The following UNC93A variants were observed in gnomAD, a reference collection of about 807,000 sequenced individuals.
UNC93A encodes the protein N-acetylglucosamine transporter UNC93A.
A neutral mutation model predicts 47.5 loss-of-function variants in UNC93A; 43 were observed. The ratio of observed to expected loss-of-function variants is 0.91; its 90% CI spans 0.71 to 1.17. UNC93A has a LOEUF of 1.17. UNC93A is among the 50% of genes most tolerant of loss of function. UNC93A has a pLI of 0.00. For missense variants in UNC93A, 605 were observed against 577.6 expected (o/e 1.05, Z -0.49); for synonymous variants, 280 against 258.0 (o/e 1.09, Z -0.82).
At chr6:167,288,934 G>A (rs1270611167), upstream of UNC93A, among the ~76,000 whole-genome samples, 1 of 152,290 alleles carries the variant, frequency 6.6e-6, no homozygotes, top group East Asian at 1.9e-4. Context: ...TGAGTGACCT[G>A]CAGATTCGAG....
At position 167,297,962 on chromosome 6, in the gene UNC93A, C is replaced by T; in HGVS notation, c.517C>T (p.Gln173Ter). Residue 173 changes from glutamine to a stop codon, truncating the protein, a stop_gained, in exon 4 of 8, where the codon CAG becomes TAG. Transcript: ENST00000230256. LOFTEE classifies it high-confidence loss of function. Reference protein sequence around the residue: ...TPSQETLPEEQLTSCGASDCL... With the variant: ...TPSQETLPEE ...CTTCATAGAGACCCTTCCAGAAGAG[C>T]AGCTCACGTCCTGTGGGGCCAGTGA... 1 of 1,614,038 alleles carries T rather than the reference C, an allele frequency of 6.2e-7. No individual in the cohort carries two copies. The highest frequency in any genetic ancestry group is 8.5e-7 in the Non-Finnish European group (1 of 1,179,984).
At chr6:167,269,380 T>C (rs1205221364), upstream of UNC93A, among the ~76,000 whole-genome samples, 3 of 152,230 alleles carry the variant, frequency 2.0e-5, no homozygotes, top group Admixed American at 2.0e-4. Context: ...AGCTACGAAC[T>C]GCAAATTGAG....
intron 1 of UNC93A, among the ~76,000 whole-genome samples, chr6:167,277,276 G>A (rs1783558995): frequency 6.6e-6 from 1 of 152,214 alleles, no homozygotes; most frequent in Admixed American, 6.5e-5. Context: ...ACAAAGCTGG[G>A]CTTTGTGCTG....
intron 1 of UNC93A, among the ~76,000 whole-genome samples, chr6:167,285,936 C>CTT (rs1486618831): frequency 1.6e-5 from 2 of 122,980 alleles, no homozygotes; most frequent in Non-Finnish European, 3.4e-5. Flanking sequence ...AGTTAGTTTT[C>CTT]TTTCTCTCTC....
At chr6:167,304,188 G>C in intron 5 of UNC93A, 55 bp downstream of exon 5, 1 of 1,593,752 alleles carries the variant, frequency 6.3e-7, no homozygotes, top group Non-Finnish European at 8.6e-7. Context: ...TCACTGCCTT[G>C]CCTGTGTCTG....
chr6:167,300,956 T>C (rs1235710812), intron 4 of UNC93A, among the ~76,000 whole-genome samples: 1 of 152,268 alleles, frequency 6.6e-6, no homozygotes, highest in East Asian at 1.9e-4. Flanking sequence ...AGTATCTTTC[T>C]GAGGATCATA....
chr6:167,275,581 C>T (rs1034690173), intron 1 of UNC93A, among the ~76,000 whole-genome samples: 3 of 152,200 alleles, frequency 2.0e-5, no homozygotes, highest in Admixed American at 6.5e-5. Flanking sequence ...AGACACAGTG[C>T]GTGTGTTCAT....
chr6:167,295,645 C>CCTCGCCTCCCTCGTGA, intron 2 of UNC93A, among the ~76,000 whole-genome samples: 1 of 49,842 alleles, frequency 2.0e-5, no homozygotes, highest in Non-Finnish European at 4.1e-5. Context: ...CTGCCTCGTG[C>CCTCGCCTCCCTCGTGA]TCCTCGCCTC....
At chr6:167,285,761 A>T (rs746580605) in intron 1 of UNC93A, among the ~76,000 whole-genome samples, 1 of 151,602 alleles carries the variant, frequency 6.6e-6, no homozygotes, top group African/African-American at 2.4e-5. Context: ...TACCTTACAG[A>T]GTTCTTTCTA....
chr6:167,299,995 G>C (rs573494388), intron 4 of UNC93A, among the ~76,000 whole-genome samples: 1 of 152,174 alleles, frequency 6.6e-6, no homozygotes, highest in African/African-American at 2.4e-5. Context: ...GAGCAGGTAC[G>C]GGGAGGCAGA....
chr6:167,307,867 C>A lies in UNC93A; in HGVS notation c.1065C>A (p.Gly355=). Residue 355 remains glycine, a synonymous_variant, in exon 7 of 8, where the codon GGC becomes GGA. Transcript: ENST00000230256. The part of the protein sequence containing the change: ...DHLAVFFVFS[G]LWGVADAVWQ... ...TGGCAGTGTTCTTCGTATTCTCTGG[C>A]CTGTGGGGCGTGGCAGATGCCGTCT... 6.2e-7 allele frequency: 1 copy of A among 1,614,050 alleles called. No homozygotes were observed.
rs574526999 is a variant in UNC93A at position 167,303,414 on chromosome 6, G to A, written c.626-505G>A. The stretch of plus-strand genomic sequence containing the variant: ...TTCTTCAAATGCACAACATTCTGTT[G>A]TAGTTCAGATACCCCTTAATATCTT... On this transcript the variant is annotated intron_variant, in intron 4 of 7. Coordinates refer to ENST00000230256, the MANE Select transcript of UNC93A (RefSeq NM_018974.4). Among the ~76,000 whole-genome samples, 4 of 152,132 alleles carry A rather than the reference G, an allele frequency of 2.6e-5. No homozygotes were observed. The South Asian group carries it at 8.3e-4, about 32-fold the overall frequency.
upstream of UNC93A, among the ~76,000 whole-genome samples, chr6:167,269,855 T>C (rs1432678571): frequency 6.6e-6 from 1 of 152,074 alleles, no homozygotes; most frequent in Non-Finnish European, 1.5e-5. Flanking sequence ...GACCTCGTGA[T>C]CCACCTGCCT....
chr6:167,309,537 C>A lies in UNC93A; in HGVS notation c.1108+1627C>A, dbSNP rs564946485. On this transcript the variant is annotated intron_variant, in intron 7 of 7. Transcript: ENST00000230256. The stretch of plus-strand genomic sequence containing the variant: ...GGCTCACATGAGACCCTCTTCCCTT[C>A]AGGAGAGACTTCACCATTCTGCCTT... Among the ~76,000 whole-genome samples the A allele has an allele frequency of 2.6e-5, 4 of 152,282 alleles. No individual in the cohort carries two copies. The South Asian group carries it at 8.3e-4, about 32-fold the overall frequency.
In UNC93A at chr6:167,294,631, A is replaced by T; in HGVS notation, c.202A>T (p.Lys68Ter). ...GCTCCTCATCGAGAGGCTGGGCTGC[A>T]AGGGGACCATCATCCTCTCCATGTG... ...PPLLIERLGC[K>*]GTIILSMCGY... The change falls in exon 2 of 8, where the codon AAG (lysine) becomes TAG (stop). Residue 68 changes from lysine to a stop codon, truncating the protein, a stop_gained. Coordinates refer to ENST00000230256, the MANE Select transcript of UNC93A (RefSeq NM_018974.4). LOFTEE classifies it high-confidence loss of function. 3 of 1,613,418 alleles carry T rather than the reference A, an allele frequency of 1.9e-6. No homozygotes were observed. Among genetic ancestry groups the T allele is most frequent in the Non-Finnish European group, 2.5e-6 (3 of 1,179,614 alleles).
At chr6:167,277,223 G>C (rs184392663) in intron 1 of UNC93A, among the ~76,000 whole-genome samples, 1 of 152,208 alleles carries the variant, frequency 6.6e-6, no homozygotes, top group South Asian at 2.1e-4. Context: ...TGAGAACTGC[G>C]CCTGTGCCCC....
chr6:167,295,372 G>C (rs1238149797), intron 2 of UNC93A, among the ~76,000 whole-genome samples: 2 of 152,140 alleles, frequency 1.3e-5, no homozygotes, highest in East Asian at 3.9e-4. Flanking sequence ...AACCGGGGCT[G>C]TCCCTCGGCC....
intron 1 of UNC93A, among the ~76,000 whole-genome samples, chr6:167,278,629 T>G (rs1437323728): frequency 2.6e-5 from 4 of 152,198 alleles, no homozygotes; most frequent in Non-Finnish European, 4.4e-5. Flanking sequence ...AGCGACAGGA[T>G]GCTACTTAGA....
chr6:167,281,161 G>T (rs867247040), intron 1 of UNC93A, among the ~76,000 whole-genome samples: 1 of 149,864 alleles, frequency 6.7e-6, no homozygotes, highest in Non-Finnish European at 1.5e-5. Flanking sequence ...GAGGAGCCTC[G>T]GTAGGTCATC....
Sources: gnomAD v4.1 joint callset for allele counts (sites outside exome capture counted in the v4.1 genomes callset) on GRCh38, gnomAD v4.1.1 for gene constraint, MANE v1.5 for transcripts, NCBI Gene and HGNC (gene_info 2026-07-23, HGNC 2026-07-21) for gene names.